The following PLEKHF2 variants were observed in gnomAD, a reference collection of about 807,000 sequenced individuals.
PLEKHF2 encodes the protein pleckstrin homology domain-containing family F member 2.
A neutral mutation model predicts 14.7 loss-of-function variants in PLEKHF2; 4 were observed. The observed-to-expected ratio is 0.27, with a 90% CI of 0.13 to 0.62. The LOEUF (loss-of-function observed/expected upper bound fraction) is 0.62. PLEKHF2 is among the 20% of genes least tolerant of loss of function. The probability of loss-of-function intolerance (pLI) is 0.85; values close to 1 mark genes in which losing one functional copy is unlikely to be tolerated. For synonymous variants in PLEKHF2, 90 were observed against 103.5 expected (o/e 0.87, Z 0.79); for missense variants, 201 against 307.7 (o/e 0.65, Z 2.60).
intron 1 of PLEKHF2, 89 bp downstream of exon 1, chr8:95,134,119 C>T (rs1483276324): frequency 1.3e-5 from 2 of 151,602 alleles, no homozygotes; most frequent in East Asian, 3.9e-4. Flanking sequence ...TCCCGCGGTC[C>T]CGGAGCCGTC....
In PLEKHF2 at chr8:95,154,377, T is replaced by G; in HGVS notation, c.333T>G (p.Val111=). 1.9e-6 allele frequency: 3 copies of G among 1,614,096 alleles called. No homozygotes were observed. Among genetic ancestry groups the G allele is most frequent in the Non-Finnish European group, 2.5e-6 (3 of 1,179,974 alleles). ...LIKTPTKSFA[V]YAATATEKSE... ...AGACACCAACTAAATCTTTTGCAGTTTATGCTGCCACTGCTACGGAGAAAT... is the reference window on the plus strand; with the variant it reads ...AGACACCAACTAAATCTTTTGCAGTGTATGCTGCCACTGCTACGGAGAAAT... Residue 111 remains valine, a synonymous_variant, in exon 2 of 2, where the codon GTT becomes GTG. Transcript: ENST00000315367. This position sits in a 1 kb window ranked among gnomAD's most constrained non-coding sequence, Gnocchi z 5.6.
chr8:95,136,318 G>A (rs1810375089), intron 1 of PLEKHF2, among the ~76,000 whole-genome samples: 1 of 140,814 alleles, frequency 7.1e-6, no homozygotes, highest in Non-Finnish European at 1.5e-5. Context: ...TCCACAGATT[G>A]GTTTTTATTA....
At chr8:95,144,571 C>T (rs1441669583) in intron 1 of PLEKHF2, among the ~76,000 whole-genome samples, 1 of 151,864 alleles carries the variant, frequency 6.6e-6, no homozygotes, top group African/African-American at 2.4e-5. Flanking sequence ...AAAGAATATG[C>T]ATTTAAAAAA....
chr8:95,151,920 A>G (rs1428975528), intron 1 of PLEKHF2, among the ~76,000 whole-genome samples: 1 of 152,082 alleles, frequency 6.6e-6, no homozygotes, highest in Non-Finnish European at 1.5e-5. Context: ...ACAGATGTCT[A>G]TGATTATGCT....
At chr8:95,138,724 A>C (rs1028783731) in intron 1 of PLEKHF2, among the ~76,000 whole-genome samples, 1 of 152,180 alleles carries the variant, frequency 6.6e-6, no homozygotes. Flanking sequence ...TTATTTAATA[A>C]AATGCTTTAA....
At chr8:95,143,031 T>C (rs1167196764) in intron 1 of PLEKHF2, among the ~76,000 whole-genome samples, 1 of 152,116 alleles carries the variant, frequency 6.6e-6, no homozygotes, top group African/African-American at 2.4e-5. Flanking sequence ...GGCACATTGA[T>C]GCCATTTATG....
chr8:95,150,060 T>A (rs748399302), intron 1 of PLEKHF2, among the ~76,000 whole-genome samples: 3 of 152,168 alleles, frequency 2.0e-5, no homozygotes, highest in Non-Finnish European at 4.4e-5. Context: ...AGAACATTAT[T>A]TGGGGTATCT....
At chr8:95,146,215 TA>T (rs34933744) in intron 1 of PLEKHF2, among the ~76,000 whole-genome samples, 9,368 of 151,226 alleles carry the variant, frequency 0.062, 293 homozygotes, top group Middle Eastern at 0.078. Context: ...TTTTCTTCTT[TA>T]AAAAAAAAGG....
chr8:95,143,093 C>CTTTTTTTTTTTTTTTTTTT (rs35086823), intron 1 of PLEKHF2, among the ~76,000 whole-genome samples: 2 of 141,042 alleles, frequency 1.4e-5, no homozygotes, highest in Non-Finnish European at 1.5e-5. Flanking sequence ...AGGAAATAAT[C>CTTTTTTTTTTTTTTTTTTT]TTTTTTTTTT....
rs138661042 is a variant in PLEKHF2, at chr8:95,152,458, A to G, written c.-14-1573A>G. Among the ~76,000 whole-genome samples, 7 of 152,218 alleles carry G rather than the reference A, an allele frequency of 4.6e-5. No individual in the cohort carries two copies. In the East Asian group the frequency reaches 1.3e-3, roughly 29 times the overall value. On this transcript the variant is annotated intron_variant, in intron 1 of 1. Coordinates refer to ENST00000315367, the MANE Select transcript of PLEKHF2 (RefSeq NM_024613.4). ...TTAGTAAATTTAAAAATTTTTATTA[A>G]TCTAAGTGAAAAATATACTAATGTT... is the stretch of plus-strand genomic sequence containing the variant.
intron 1 of PLEKHF2, among the ~76,000 whole-genome samples, chr8:95,152,105 A>G (rs1048591714): frequency 1.3e-5 from 2 of 152,108 alleles, no homozygotes; most frequent in African/African-American, 4.8e-5. Flanking sequence ...GAAATGTGGT[A>G]TTTATTTGAA....
intron 1 of PLEKHF2, among the ~76,000 whole-genome samples, chr8:95,139,291 T>C (rs1810413876): frequency 6.6e-6 from 1 of 152,168 alleles, no homozygotes; most frequent in African/African-American, 2.4e-5. Context: ...GTCAGATTGC[T>C]CGAGTCCAGG....
chr8:95,141,061 AGTTTT>A (rs1810433795), intron 1 of PLEKHF2, among the ~76,000 whole-genome samples: 1 of 152,150 alleles, frequency 6.6e-6, no homozygotes, highest in African/African-American at 2.4e-5. Context: ...AGAGGTTTTC[AGTTTT>A]GAGTATCTTC....
intron 1 of PLEKHF2, among the ~76,000 whole-genome samples, chr8:95,151,160 A>T (rs548627511): frequency 6.6e-6 from 1 of 152,268 alleles, no homozygotes; most frequent in East Asian, 1.9e-4. Context: ...GGGACAATAA[A>T]AACTTCTCTA....
intron 1 of PLEKHF2, among the ~76,000 whole-genome samples, chr8:95,145,621 T>C (rs1167305939): frequency 6.6e-6 from 1 of 152,062 alleles, no homozygotes; most frequent in Non-Finnish European, 1.5e-5. Context: ...AGACGGGGTT[T>C]CACCGTGTTA....
chr8:95,152,857 T>C (rs1213399271), intron 1 of PLEKHF2, among the ~76,000 whole-genome samples: 1 of 152,168 alleles, frequency 6.6e-6, no homozygotes, highest in African/African-American at 2.4e-5. Flanking sequence ...TGTTAGTCTT[T>C]AAACTTTAAA....
intron 1 of PLEKHF2, among the ~76,000 whole-genome samples, chr8:95,145,148 G>GA (rs796531360): frequency 4.0e-5 from 6 of 150,112 alleles, no homozygotes; most frequent in Non-Finnish European, 7.4e-5. Flanking sequence ...AGATTTAAAG[G>GA]AAAAAAAAAC....
chr8:95,153,053 A>G lies in PLEKHF2; in HGVS notation c.-14-978A>G, dbSNP rs142684087. Among the ~76,000 whole-genome samples, 344 of 152,290 alleles carry G rather than the reference A, an allele frequency of 2.3e-3. 1 individual carries two copies. Among genetic ancestry groups the G allele is most frequent in the African/African-American group, 7.9e-3 (328 of 41,554 alleles). ...TGTTAAAATGTTATTAACATTTTTT[A>G]GTACCTTTTCTGTGTCAAACCGTAT... On this transcript the variant is annotated intron_variant, in intron 1 of 1. Coordinates refer to ENST00000315367, the MANE Select transcript of PLEKHF2 (RefSeq NM_024613.4).
chr8:95,138,359 C>G (rs1178957164), intron 1 of PLEKHF2, among the ~76,000 whole-genome samples: 4 of 80,188 alleles, frequency 5.0e-5, no homozygotes, highest in African/African-American at 1.5e-4. Context: ...ATCTTCCCCC[C>G]CCCCCCGCCC....
Sources: allele counts gnomAD v4.1 joint callset (sites outside exome capture counted in the v4.1 genomes callset), GRCh38; gene constraint gnomAD v4.1.1; non-coding constraint Gnocchi (gnomAD v3.1); transcripts MANE v1.5; gene names NCBI Gene and HGNC (gene_info 2026-07-23, HGNC 2026-07-21).